The following SFMBT2 variants were observed in gnomAD, a reference collection of about 807,000 sequenced individuals.
The protein encoded by SFMBT2 is Scm like with four mbt domains 2.
In SFMBT2, 38 loss-of-function variants were observed where a neutral mutation model predicts 110.1. The observed-to-expected ratio is 0.35, with a 90% CI of 0.27 to 0.45. The LOEUF (loss-of-function observed/expected upper bound fraction) is 0.45. SFMBT2 is among the 20% of genes least tolerant of loss of function. The pLI is 1.00. For synonymous variants in SFMBT2, 425 were observed against 425.4 expected, an observed-to-expected ratio of 1.00 and a Z score of 0.01; for missense variants, 1,011 against 1,094.9, an observed-to-expected ratio of 0.92 and a Z score of 1.08.
chr10:7,302,511 A>G (rs1329718580), intron 4 of SFMBT2, among the ~76,000 whole-genome samples: 1 of 152,230 alleles, frequency 6.6e-6, no homozygotes, highest in Non-Finnish European at 1.5e-5. Flanking sequence ...ACCCAGGGGA[A>G]GTTCCTAAAC....
At chr10:7,330,923 G>A (rs1843543193) in intron 4 of SFMBT2, among the ~76,000 whole-genome samples, 2 of 152,222 alleles carry the variant, frequency 1.3e-5, no homozygotes, top group African/African-American at 2.4e-5. Context: ...CTGGAAGGGG[G>A]ACAGGCAGCA....
chr10:7,173,079 C>T (rs1003625875), intron 17 of SFMBT2, among the ~76,000 whole-genome samples: 15 of 152,200 alleles, frequency 9.9e-5, no homozygotes, highest in African/African-American at 3.4e-4. Context: ...AGGATCTCAT[C>T]AGAAACCAAA....
At chr10:7,255,498 T>C (rs2131752669) in intron 7 of SFMBT2, among the ~76,000 whole-genome samples, 1 of 152,382 alleles carries the variant, frequency 6.6e-6, no homozygotes, top group South Asian at 2.1e-4. Context: ...ATGCCAGCAA[T>C]GTCATTCCCA....
intron 15 of SFMBT2, among the ~76,000 whole-genome samples, chr10:7,189,455 C>T (rs1336881883): frequency 6.6e-6 from 1 of 152,202 alleles, no homozygotes; most frequent in African/African-American, 2.4e-5. Flanking sequence ...CTGTTAACCT[C>T]AATGAGTTTC....
chr10:7,385,010 G>A (rs1845550290), intron 1 of SFMBT2, among the ~76,000 whole-genome samples: 1 of 152,184 alleles, frequency 6.6e-6, no homozygotes, highest in East Asian at 1.9e-4. Context: ...GCACTCTAAG[G>A]TCTTCTGCGC....
chr10:7,301,427 C>G lies in SFMBT2; in HGVS notation c.437-15473G>C, dbSNP rs192739091. On this transcript the variant is annotated intron_variant, in intron 4 of 20. Coordinates refer to ENST00000397167, the MANE Select transcript of SFMBT2 (RefSeq NM_001387889.1). This position sits in a 1 kb window ranked among gnomAD's most constrained non-coding sequence, Gnocchi z 4.2. ...AAGAAAGCCCGAACTCATGAGACAG[C>G]GGAGGAAACCCGGGAGGGACTAGAA... 6.6e-6 allele frequency among the ~76,000 whole-genome samples: 1 copy of G among 152,128 alleles called. No homozygotes were observed. Among genetic ancestry groups the G allele is most frequent in the Non-Finnish European group, 1.5e-5 (1 of 68,020 alleles).
chr10:7,190,602 G>A (rs535521149), intron 15 of SFMBT2, among the ~76,000 whole-genome samples: 3 of 152,290 alleles, frequency 2.0e-5, no homozygotes, highest in East Asian at 3.9e-4. Flanking sequence ...TAATTTCTGT[G>A]CACATGACAA....
intron 7 of SFMBT2, among the ~76,000 whole-genome samples, chr10:7,270,748 G>T (rs966487179): frequency 1.3e-5 from 2 of 152,182 alleles, no homozygotes; most frequent in African/African-American, 4.8e-5. Flanking sequence ...CTTATGGGAA[G>T]AAATTAAAGT....
chr10:7,405,825 C>A (rs1017566997), intron 1 of SFMBT2, among the ~76,000 whole-genome samples: 1 of 126,636 alleles, frequency 7.9e-6, no homozygotes, highest in Non-Finnish European at 1.7e-5. Flanking sequence ...GCCCGATTCC[C>A]CCCCCGACCC....
chr10:7,205,683 A>T, intron 12 of SFMBT2, 132 bp downstream of exon 12: 1 of 1,409,140 alleles, frequency 7.1e-7, no homozygotes, highest in East Asian at 2.7e-5. Flanking sequence ...TCATGAAAAC[A>T]TGGGTTCTTG....
intron 1 of SFMBT2, among the ~76,000 whole-genome samples, chr10:7,410,122 G>A (rs952949396): frequency 2.0e-5 from 3 of 152,212 alleles, no homozygotes; most frequent in East Asian, 1.9e-4. Context: ...ATTTTGAAAG[G>A]GGGTCGAATA....
intron 15 of SFMBT2, among the ~76,000 whole-genome samples, chr10:7,193,365 A>G (rs182777870): frequency 2.0e-5 from 3 of 152,332 alleles, no homozygotes; most frequent in Admixed American, 2.0e-4. Context: ...TGACATTTAC[A>G]TACTGATATT....
At chr10:7,329,470 G>A (rs1843500449) in intron 4 of SFMBT2, 1 of 985,372 alleles carries the variant, frequency 1.0e-6, no homozygotes. Flanking sequence ...GGAAATGTGT[G>A]TGGTGAGTTC....
chr10:7,277,499 A>C (rs992849474), intron 6 of SFMBT2: 1 of 227,118 alleles, frequency 4.4e-6, no homozygotes, highest in Non-Finnish European at 7.3e-6. Context: ...TTAAAAGGTA[A>C]ATTAAAATTT....
chr10:7,181,666 C>T (rs886233965), intron 16 of SFMBT2, among the ~76,000 whole-genome samples: 3 of 152,214 alleles, frequency 2.0e-5, no homozygotes, highest in Non-Finnish European at 4.4e-5. Context: ...CACATGGACA[C>T]ATCCAGATGC....
chr10:7,171,653 G>T lies in SFMBT2; in HGVS notation c.2415+242C>A. ...CCTCCTCCTGACAAGAACCCAGGTG[G>T]CACTAAAGCCGTCCAGGAAAGAGGC... On this transcript the variant is annotated intron_variant, in intron 19 of 20. Transcript: ENST00000397167. This position sits in a 1 kb window ranked among gnomAD's most constrained non-coding sequence, Gnocchi z 4.9. The T allele has an allele frequency of 1.2e-6, 1 of 868,370 alleles. No individual in the cohort carries two copies. The highest frequency in any genetic ancestry group is 1.2e-4 in the East Asian group (1 of 8,254). The allele number at this position is 868,370 out of a possible 1,614,324, so 53.8% of individuals were successfully genotyped here. A position where few individuals can be genotyped will look rare whatever the true frequency, so the allele number is the denominator to read the frequency against.
rs1309341728 is a variant in SFMBT2 at position 7,172,137 on chromosome 10, C to A, written c.2173G>T (p.Asp725Tyr). ...SGEESEEEDADAMDDDTASEE... is the reference protein window; with the variant it reads ...SGEESEEEDAYAMDDDTASEE... ...CTGGCGGTGTCATCGTCCATGGCGT[C>A]AGCGTCCTCCTCTTCACTTTCCTGG... The change falls in exon 19 of 21, where the codon GAC becomes TAC. Residue 725 changes from aspartate (D) to tyrosine (Y), a missense_variant. Physicochemically the swap from Asp to Tyr is radical, Grantham distance 160. This residue lies in a region of SFMBT2 where 979 missense variants were observed against 1,016.1 expected (regional missense o/e 0.96). Transcript: ENST00000397167. The surrounding 1 kb of genome is among the most constrained non-coding windows in gnomAD (Gnocchi z 4.6). 6.4e-7 allele frequency: 1 copy of A among 1,563,988 alleles called. No homozygotes were observed. The highest frequency in any genetic ancestry group is 2.0e-5 in the Admixed American group (1 of 51,124).
intron 9 of SFMBT2, among the ~76,000 whole-genome samples, chr10:7,231,764 C>T (rs1432127093): frequency 6.6e-6 from 1 of 152,144 alleles, no homozygotes; most frequent in African/African-American, 2.4e-5. Flanking sequence ...CCTCTGTCCC[C>T]TCCTCCTCCT....
intron 4 of SFMBT2, among the ~76,000 whole-genome samples, chr10:7,314,579 G>T (rs1185986547): frequency 6.6e-6 from 1 of 152,140 alleles, no homozygotes; most frequent in Admixed American, 6.5e-5. Flanking sequence ...TAGCTCTTTG[G>T]AAGGACAAGG....
Sources: allele counts gnomAD v4.1 joint callset (sites outside exome capture counted in the v4.1 genomes callset), GRCh38; gene constraint gnomAD v4.1.1; regional missense constraint gnomAD v4.1.1; non-coding constraint Gnocchi (gnomAD v3.1); transcripts MANE v1.5; gene names NCBI Gene and HGNC (gene_info 2026-07-23, HGNC 2026-07-21).